Variants in LRP1B observed in about 807,000 individuals in gnomAD.
LRP1B encodes low-density lipoprotein receptor-related protein 1B.
LRP1B carries 217 observed loss-of-function variants against 556.6 expected under a neutral mutation model. The ratio of observed to expected loss-of-function variants is 0.39; its 90% confidence interval spans 0.35 to 0.44. The LOEUF (loss-of-function observed/expected upper bound fraction) is 0.44. Ranked by LOEUF, LRP1B falls within the 20% of genes least tolerant of loss-of-function variation. LRP1B has a pLI of 1.00. For missense variants in LRP1B, 5,053 were observed against 5,620.8 expected, an observed-to-expected ratio of 0.90 and a Z score of 3.23; for synonymous variants, 2,047 against 1,865.8, an observed-to-expected ratio of 1.10 and a Z score of -2.50.
At chr2:140,422,967 GTCAGTAAGA>G (rs1310243281) in intron 66 of LRP1B, among the ~76,000 whole-genome samples, 1 of 152,162 alleles carries the variant, frequency 6.6e-6, no homozygotes, top group Admixed American at 6.6e-5. Context: ...CTTTCCATCT[GTCAGTAAGA>G]TGCTGAAAAT....
chr2:141,597,441 G>A (rs183342908), intron 2 of LRP1B, among the ~76,000 whole-genome samples: 3 of 151,856 alleles, frequency 2.0e-5, no homozygotes, highest in Non-Finnish European at 4.4e-5. Flanking sequence ...ACCCCTTCTC[G>A]CTAATAACAT....
At chr2:141,798,882 T>A (rs1392178769) in intron 2 of LRP1B, among the ~76,000 whole-genome samples, 2 of 151,660 alleles carry the variant, frequency 1.3e-5, no homozygotes, top group African/African-American at 4.8e-5. Context: ...AAAATGAGGT[T>A]TTATGGGTGG....
intron 2 of LRP1B, among the ~76,000 whole-genome samples, chr2:141,491,495 AC>A (rs869266561): frequency 4.4e-5 from 6 of 135,402 alleles, no homozygotes; most frequent in East Asian, 2.1e-4. Context: ...ACCTGTTCTA[AC>A]TGGGTGATAG....
intron 1 of LRP1B, among the ~76,000 whole-genome samples, chr2:142,060,268 C>G (rs1190516864): frequency 6.6e-6 from 1 of 152,000 alleles, no homozygotes; most frequent in African/African-American, 2.4e-5. Flanking sequence ...GTGGCCCACA[C>G]TGTTAGATCT....
chr2:140,657,522 C>CTGGA (rs903820987), intron 41 of LRP1B, among the ~76,000 whole-genome samples: 1 of 149,290 alleles, frequency 6.7e-6, no homozygotes, highest in Non-Finnish European at 1.5e-5. Flanking sequence ...AGAGGGCTGG[C>CTGGA]TGGATGGATG....
In LRP1B at chr2:141,850,583, G is replaced by GTATATA. The variant is rs70994457; in HGVS notation, c.83-40188_83-40183dup. Among the ~76,000 whole-genome samples, 307 of 142,752 alleles carry GTATATA rather than the reference G, an allele frequency of 2.2e-3. 4 individuals carry two copies. The highest frequency in any genetic ancestry group is 0.015 in the Middle Eastern group (4 of 274). 93.7% of individuals were successfully genotyped at this position (142,752 alleles called of 152,430 possible). A position where few individuals can be genotyped will look rare whatever the true frequency, so the allele number is the denominator to read the frequency against. ...TGTGTGTGTGTGTATATGTGTGTATGTATATATATATATATATAGTTCTGC... is the reference window on the plus strand; with the variant it reads ...TGTGTGTGTGTGTATATGTGTGTATGTATATATATATATATATATATATAGTTCTGC... On this transcript the variant is annotated intron_variant, in intron 1 of 90. Coordinates refer to ENST00000389484, the MANE Select transcript of LRP1B (RefSeq NM_018557.3).
At chr2:141,314,935 C>T (rs1044442667) in intron 3 of LRP1B, among the ~76,000 whole-genome samples, 1 of 143,178 alleles carries the variant, frequency 7.0e-6, no homozygotes, top group Non-Finnish European at 1.5e-5. Context: ...TATAGGCCTA[C>T]AAGAAATCTT....
chr2:140,905,247 A>G (rs1158531718), intron 22 of LRP1B, among the ~76,000 whole-genome samples: 4 of 151,750 alleles, frequency 2.6e-5, no homozygotes, highest in Non-Finnish European at 2.9e-5. Flanking sequence ...CCCCTGGGCC[A>G]CAAATACATA....
At position 140,356,666 on chromosome 2, in the gene LRP1B, C is replaced by G. The variant is rs16843843; in HGVS notation, c.11396-190G>C. On this transcript the variant is annotated intron_variant, in intron 74 of 90. Transcript: ENST00000389484. ...TGTATAGAAGTATAAAAACTAAACT[C>G]ATTAACATTAAATACAGATTAGACC... Among the ~76,000 whole-genome samples the G allele has an allele frequency of 9.0e-3, 1,365 of 151,864 alleles. 56 individuals are homozygous for G. The East Asian group carries it at 0.14, about 15-fold the overall frequency.
intron 2 of LRP1B, among the ~76,000 whole-genome samples, chr2:141,497,004 C>T (rs938361565): frequency 1.1e-4 from 16 of 151,914 alleles, no homozygotes; most frequent in African/African-American, 3.9e-4. Context: ...CAATTTACTG[C>T]ACATTATCAT....
chr2:141,272,803 C>T (rs1421357515), intron 3 of LRP1B, among the ~76,000 whole-genome samples: 1 of 152,056 alleles, frequency 6.6e-6, no homozygotes, highest in African/African-American at 2.4e-5. Context: ...AAAAAATAGA[C>T]TCACAAAATA....
chr2:140,793,461 T>C (rs1490052048), intron 32 of LRP1B, among the ~76,000 whole-genome samples: 1 of 152,010 alleles, frequency 6.6e-6, no homozygotes, highest in South Asian at 2.1e-4. Flanking sequence ...TATTAAAATA[T>C]GAACATTTTG....
Position 140,964,173 on chromosome 2 carries a change from C to T in LRP1B, c.2888-12233G>A, listed in dbSNP as rs146373963. On this transcript the variant is annotated intron_variant, in intron 18 of 90. Transcript: ENST00000389484. ...AGGAGACAAAGAGAAAGACAGCTTACGCCATTATTTCTGCATATCAGGGAC... is the reference window on the plus strand; with the variant it reads ...AGGAGACAAAGAGAAAGACAGCTTATGCCATTATTTCTGCATATCAGGGAC... Among the ~76,000 whole-genome samples the T allele has an allele frequency of 2.6e-5, 4 of 152,254 alleles. No individual in the cohort carries two copies. In the East Asian group the frequency reaches 7.8e-4, roughly 30 times the overall value.
chr2:140,312,910 C>T (rs1424380865), intron 83 of LRP1B, among the ~76,000 whole-genome samples: 1 of 151,894 alleles, frequency 6.6e-6, no homozygotes, highest in African/African-American at 2.4e-5. Flanking sequence ...TCCTATACAA[C>T]TGTCATAAAC....
At chr2:141,771,967 T>C (rs1037967593) in intron 2 of LRP1B, among the ~76,000 whole-genome samples, 2 of 151,954 alleles carry the variant, frequency 1.3e-5, no homozygotes, top group African/African-American at 2.4e-5. Flanking sequence ...TATAGGTGCC[T>C]GCCACCACGC....
At chr2:141,084,910 A>C (rs1700015013) in intron 7 of LRP1B, among the ~76,000 whole-genome samples, 1 of 151,958 alleles carries the variant, frequency 6.6e-6, no homozygotes, top group Non-Finnish European at 1.5e-5. Context: ...CGGCCTCCCA[A>C]AGTGCTGGGA....
At chr2:141,415,272 CAA>C (rs1559057882) in intron 3 of LRP1B, among the ~76,000 whole-genome samples, 1 of 152,174 alleles carries the variant, frequency 6.6e-6, no homozygotes, top group Non-Finnish European at 1.5e-5. Context: ...CTCGGCCTCC[CAA>C]AGTGCTGGGA....
chr2:140,976,283 C>T (rs1696594048), intron 18 of LRP1B, among the ~76,000 whole-genome samples: 2 of 151,916 alleles, frequency 1.3e-5, no homozygotes, highest in Non-Finnish European at 2.9e-5. Context: ...TCTCCTCTCC[C>T]TACCCCCTCC....
intron 5 of LRP1B, among the ~76,000 whole-genome samples, chr2:141,246,667 GA>G (rs1290381488): frequency 6.6e-6 from 1 of 152,138 alleles, no homozygotes; most frequent in Admixed American, 6.6e-5. Flanking sequence ...TTGCTAATTA[GA>G]AACTTCCTGC....
Sources: gnomAD v4.1 joint callset for allele counts (sites outside exome capture counted in the v4.1 genomes callset) on GRCh38, gnomAD v4.1.1 for gene constraint, MANE v1.5 for transcripts, NCBI Gene and HGNC (gene_info 2026-07-23, HGNC 2026-07-21) for gene names.